Variants in BCAS3 observed in about 807,000 individuals in gnomAD.
BCAS3 encodes BCAS4/BCAS3 fusion.
BCAS3 carries 53 observed loss-of-function variants against 116.1 expected under a neutral mutation model. The observed-to-expected ratio is 0.46, with a 90% CI of 0.37 to 0.57. BCAS3 has a LOEUF of 0.57. Ranked by LOEUF, BCAS3 falls within the 20% of genes least tolerant of loss-of-function variation. The pLI, the probability that BCAS3 is intolerant of heterozygous loss-of-function variation, is 0.00. For missense variants in BCAS3, 917 were observed against 1,165.4 expected, an observed-to-expected ratio of 0.79 and a Z score of 3.10; for synonymous variants, 391 against 408.2, an observed-to-expected ratio of 0.96 and a Z score of 0.51.
rs2079954730 is a variant in BCAS3, at chr17:61,189,156, G to C, written c.2425+104592G>C. On this transcript the variant is annotated intron_variant, in intron 22 of 23. Transcript: ENST00000407086. The surrounding 1 kb of genome is among the most constrained non-coding windows in gnomAD (Gnocchi z 4.5). The stretch of plus-strand genomic sequence containing the variant: ...GAGAGAGAGAACAGCACACTTCAAA[G>C]GGTATGGTCTTTGTTGCTATGCTCC... 6.6e-6 allele frequency among the ~76,000 whole-genome samples: 1 copy of C among 152,150 alleles called. No individual in the cohort carries two copies. The highest frequency in any genetic ancestry group is 2.4e-5 in the African/African-American group (1 of 41,438).
chr17:60,953,985 C>T (rs543835809), intron 14 of BCAS3, among the ~76,000 whole-genome samples: 10 of 152,196 alleles, frequency 6.6e-5, no homozygotes, highest in South Asian at 2.1e-4. Flanking sequence ...CTACCTGCCT[C>T]GGTCTCCCAA....
intron 6 of BCAS3, among the ~76,000 whole-genome samples, chr17:60,779,875 G>A (rs7214202): frequency 0.28 from 42,058 of 152,054 alleles, 11,478 homozygotes; most frequent in African/African-American, 0.71. Context: ...GGTGCTATTT[G>A]ATATATAGAC....
At chr17:60,738,472 G>C (rs1482581713) in intron 5 of BCAS3, among the ~76,000 whole-genome samples, 1 of 152,088 alleles carries the variant, frequency 6.6e-6, no homozygotes, top group Admixed American at 6.5e-5. Context: ...TCCCTGACAA[G>C]TTTCTTTGCC....
At chr17:60,688,375 C>G (rs115532893) in intron 3 of BCAS3, among the ~76,000 whole-genome samples, 236 of 152,186 alleles carry the variant, frequency 1.6e-3, no homozygotes, top group African/African-American at 5.5e-3. Context: ...TCATGGCTCA[C>G]TGCGGCCTCA....
chr17:60,914,336 C>A (rs747778498), intron 12 of BCAS3, among the ~76,000 whole-genome samples: 1 of 152,050 alleles, frequency 6.6e-6, no homozygotes, highest in Non-Finnish European at 1.5e-5. Context: ...TTGTGAAGTC[C>A]ATAAAGAGAA....
At chr17:61,014,192 A>C (rs1204300931) in intron 15 of BCAS3, among the ~76,000 whole-genome samples, 1 of 152,180 alleles carries the variant, frequency 6.6e-6, no homozygotes, top group East Asian at 1.9e-4. Context: ...AGTGATATAA[A>C]ATTAACATTA....
intron 13 of BCAS3, among the ~76,000 whole-genome samples, chr17:60,927,340 C>T (rs1217559070): frequency 6.6e-6 from 1 of 151,954 alleles, no homozygotes; most frequent in African/African-American, 2.4e-5. Context: ...ACTGCAACCT[C>T]CGCCTCCCAG....
At chr17:61,250,721 C>T (rs2048307887) in intron 22 of BCAS3, among the ~76,000 whole-genome samples, 1 of 152,154 alleles carries the variant, frequency 6.6e-6, no homozygotes, top group Non-Finnish European at 1.5e-5. Context: ...ACCTAGAAAC[C>T]AGGCTTTTTT....
rs1028025147 is a variant in BCAS3 at position 61,241,667 on chromosome 17, C to T, written c.2426-126660C>T. 2.6e-5 allele frequency among the ~76,000 whole-genome samples: 4 copies of T among 151,904 alleles called. No homozygotes were observed. The highest frequency in any genetic ancestry group is 4.4e-5 in the Non-Finnish European group (3 of 68,002). ...CCAGGAGCCAGAGCTTGCAGTGAGCCGAGATCGTGCCAGTGCACTCCAGCC... is the reference window on the plus strand; with the variant it reads ...CCAGGAGCCAGAGCTTGCAGTGAGCTGAGATCGTGCCAGTGCACTCCAGCC... On this transcript the variant is annotated intron_variant, in intron 22 of 23. Coordinates refer to ENST00000407086, the MANE Select transcript of BCAS3 (RefSeq NM_017679.5). The surrounding 1 kb of genome is among the most constrained non-coding windows in gnomAD (Gnocchi z 4.6).
At chr17:60,712,195 G>T (rs891283143) in intron 5 of BCAS3, among the ~76,000 whole-genome samples, 1 of 138,674 alleles carries the variant, frequency 7.2e-6, no homozygotes, top group Non-Finnish European at 1.5e-5. Flanking sequence ...AACACATAGT[G>T]AGACCTTGTC....
chr17:60,955,934 G>C (rs1210517795), intron 14 of BCAS3, among the ~76,000 whole-genome samples: 1 of 152,124 alleles, frequency 6.6e-6, no homozygotes, highest in Admixed American at 6.5e-5. Flanking sequence ...ATTTTGATTT[G>C]TTATTGATGA....
At chr17:60,971,778 G>A (rs1040499587) in intron 14 of BCAS3, among the ~76,000 whole-genome samples, 3 of 152,132 alleles carry the variant, frequency 2.0e-5, no homozygotes, top group Non-Finnish European at 2.9e-5. Flanking sequence ...TTTGAATAGC[G>A]GTCCCTGTTG....
chr17:60,881,584 T>G, intron 9 of BCAS3, among the ~76,000 whole-genome samples: 1 of 94,290 alleles, frequency 1.1e-5, no homozygotes, highest in African/African-American at 4.1e-5. Flanking sequence ...GTGCTATCCC[T>G]CCCCCCTCCC....
In BCAS3 at chr17:60,921,905, AAGAG is replaced by A. The variant is rs535406732; in HGVS notation, c.994-2498_994-2495del. 6.6e-3 allele frequency among the ~76,000 whole-genome samples: 1,008 copies of A among 152,256 alleles called. 3 individuals carry two copies. Among genetic ancestry groups the A allele is most frequent in the Non-Finnish European group, 9.2e-3 (628 of 68,020 alleles). ...ACGTCAAGAAGTATTACTGGAGTAA[AAGAG>A]AGACATTTCATTCACGATAAAAGGG... On this transcript the variant is annotated intron_variant, in intron 12 of 23. Transcript: ENST00000407086.
chr17:60,847,061 G>A (rs553809041), intron 7 of BCAS3, among the ~76,000 whole-genome samples: 1 of 152,198 alleles, frequency 6.6e-6, no homozygotes, highest in Non-Finnish European at 1.5e-5. Flanking sequence ...CATATAACTG[G>A]ATTCACACAA....
chr17:60,894,999 C>T (rs1173057970), intron 10 of BCAS3, among the ~76,000 whole-genome samples: 1 of 152,094 alleles, frequency 6.6e-6, no homozygotes, highest in African/African-American at 2.4e-5. Context: ...TGTCTGTGTT[C>T]ATCAGGGATC....
chr17:60,703,769 C>T (rs1456462684), intron 4 of BCAS3, among the ~76,000 whole-genome samples: 1 of 151,344 alleles, frequency 6.6e-6, no homozygotes, highest in Non-Finnish European at 1.5e-5. Context: ...AAAAAATTAG[C>T]CGGGCGCGGT....
chr17:60,946,984 GA>G (rs2060536119), intron 13 of BCAS3, among the ~76,000 whole-genome samples: 1 of 152,138 alleles, frequency 6.6e-6, no homozygotes, highest in Non-Finnish European at 1.5e-5. Flanking sequence ...AGTTTTACAG[GA>G]ATGCCATAAT....
Position 60,991,242 on chromosome 17 carries a change from A to G in BCAS3, c.1486+1007A>G, listed in dbSNP as rs562265351. ...TTTTGATATCTTTGGCTTCTTTAAC[A>G]TTATATTTGTGAGATTCAGTTATGT... On this transcript the variant is annotated intron_variant, in intron 15 of 23. Transcript: ENST00000407086. 3.1e-3 allele frequency among the ~76,000 whole-genome samples: 467 copies of G among 152,240 alleles called. 1 individual carries two copies. Among genetic ancestry groups the G allele is most frequent in the Non-Finnish European group, 5.4e-3 (364 of 68,020 alleles).
Sources: gnomAD v4.1 joint callset for allele counts (sites outside exome capture counted in the v4.1 genomes callset) on GRCh38, gnomAD v4.1.1 for gene constraint, Gnocchi (gnomAD v3.1) non-coding constraint, MANE v1.5 for transcripts, NCBI Gene and HGNC (gene_info 2026-07-23, HGNC 2026-07-21) for gene names.